The following EML5 variants were observed in gnomAD, a reference collection of about 807,000 sequenced individuals.
The protein encoded by EML5 is EMAP like 5.
A neutral mutation model predicts 250.0 loss-of-function variants in EML5; 120 were observed. The ratio of observed to expected loss-of-function variants is 0.48; its 90% confidence interval spans 0.41 to 0.56. EML5 has a LOEUF of 0.56. EML5 is among the 20% of genes least tolerant of loss of function. The pLI is 0.00. For synonymous variants in EML5, 771 were observed against 806.5 expected (o/e 0.96, Z 0.75); for missense variants, 2,006 against 2,437.6 (o/e 0.82, Z 3.73).
At chr14:88,647,132 G>A (rs1005488541) in intron 28 of EML5, among the ~76,000 whole-genome samples, 177 bp from the exon 29 acceptor site, 3 of 152,178 alleles carry the variant, frequency 2.0e-5, no homozygotes, top group African/African-American at 7.2e-5. Context: ...GGAGCCCAAG[G>A]CAGGAGGATC....
In EML5 at chr14:88,688,385, C is replaced by T. The variant is rs764389071; in HGVS notation, c.2628G>A (p.Glu876=). ...CTGTGGATGTTCCAGAAAAAGCCAT[C>T]TCTTCAGTCCATCCATACACTGCAC... ...MMCAVYGWTE[E]MAFSGTSTGD... The change falls in exon 18 of 44, where the codon GAG becomes GAA. Residue 876 remains glutamate, a synonymous_variant. Transcript: ENST00000554922. The T allele has an allele frequency of 6.2e-7, 1 of 1,614,016 alleles. No homozygotes were observed. Among genetic ancestry groups the T allele is most frequent in the Non-Finnish European group, 8.5e-7 (1 of 1,179,892 alleles).
chr14:88,712,611 A>G, intron 9 of EML5, 128 bp from the exon 10 acceptor site: 1 of 641,924 alleles, frequency 1.6e-6, no homozygotes, highest in Non-Finnish European at 2.6e-6. Context: ...AGGAAAATAC[A>G]TAAATAGGTA....
In EML5 at chr14:88,613,203, A is replaced by C. The variant is rs528282669; in HGVS notation, c.*2615T>G. The C allele has an allele frequency of 6.6e-6, 1 of 152,206 alleles. No homozygotes were observed. The highest frequency in any genetic ancestry group is 1.5e-5 in the Non-Finnish European group (1 of 68,044). 9.4% of individuals were successfully genotyped at this position (152,206 alleles called of 1,614,324 possible). On this transcript the variant is annotated 3_prime_UTR_variant, in exon 44 of 44. Coordinates refer to ENST00000554922, the MANE Select transcript of EML5 (RefSeq NM_183387.3). ...AGGAAAGGCTTGAAACACGAGAAGC[A>C]GCAAAGACAGAGCACACAAGTGCAT... is the stretch of plus-strand genomic sequence containing the variant.
rs73327325 is a variant in EML5 at position 88,695,454 on chromosome 14, G to A, written c.2345C>T (p.Ala782Val). The A allele has an allele frequency of 6.5e-5, 105 of 1,610,204 alleles. No individual in the cohort carries two copies. The Middle Eastern group carries it at 1.2e-3, about 18-fold the overall frequency. The change falls in exon 16 of 44, where the codon GCG becomes GTG. Residue 782 changes from alanine to valine, a missense_variant and splice_region_variant. Transcript: ENST00000554922. ...AACTGATGCCAAACGTTTCCCATCC[G>A]CTGTGGAAAATTAATGAGAGAGATA... ...QYGVSAVDFS[A>V]DGKRLASVGI...
chr14:88,731,511 T>C (rs947943630), intron 7 of EML5, among the ~76,000 whole-genome samples: 1 of 152,248 alleles, frequency 6.6e-6, no homozygotes, highest in Non-Finnish European at 1.5e-5. Context: ...CTATTGTGAA[T>C]AGTGCCACAA....
chr14:88,628,909 G>A (rs913356616), intron 33 of EML5, among the ~76,000 whole-genome samples: 14 of 151,708 alleles, frequency 9.2e-5, no homozygotes, highest in African/African-American at 3.1e-4. Context: ...AAAACTACAC[G>A]GAAACATACA....
chr14:88,780,481 G>T (rs1383909801), intron 1 of EML5, among the ~76,000 whole-genome samples: 1 of 152,062 alleles, frequency 6.6e-6, no homozygotes, highest in Admixed American at 6.6e-5. Flanking sequence ...ACATACAAAT[G>T]GATTTATTTC....
intron 21 of EML5, among the ~76,000 whole-genome samples, chr14:88,676,984 A>C (rs2092609237): frequency 6.6e-6 from 1 of 152,190 alleles, no homozygotes; most frequent in African/African-American, 2.4e-5. Context: ...GGCTCACTGC[A>C]ACCTTCACCT....
At chr14:88,696,218 C>T (rs768034038) in intron 15 of EML5, among the ~76,000 whole-genome samples, 48 of 151,572 alleles carry the variant, frequency 3.2e-4, no homozygotes, top group Non-Finnish European at 6.5e-4. Context: ...GATAATTTAT[C>T]ACTTCAGTCA....
chr14:88,715,018 A>C lies in EML5; in HGVS notation c.1365T>G (p.Thr455=). 6.2e-7 allele frequency: 1 copy of C among 1,613,894 alleles called. No individual in the cohort carries two copies. The highest frequency in any genetic ancestry group is 1.1e-5 in the South Asian group (1 of 91,082). ...GECLGSLSFI[T]HLDWSSDSRY... is the part of the protein sequence containing the mutation. ...TACTGTCTGAAGACCAGTCCAGATG[A>C]GTGATGAAACTAAGGGATCCCAAAC... The change falls in exon 9 of 44, where the codon ACT becomes ACG. Residue 455 remains threonine, a synonymous_variant. Coordinates refer to ENST00000554922, the MANE Select transcript of EML5 (RefSeq NM_183387.3).
chr14:88,681,287 T>C (rs748645015), intron 21 of EML5, among the ~76,000 whole-genome samples: 1 of 152,162 alleles, frequency 6.6e-6, no homozygotes, highest in Non-Finnish European at 1.5e-5. Context: ...GGACTAATAG[T>C]GTAGAATTAA....
chr14:88,725,965 A>G (rs1008471586), intron 8 of EML5, among the ~76,000 whole-genome samples: 3 of 152,170 alleles, frequency 2.0e-5, no homozygotes, highest in African/African-American at 7.2e-5. Flanking sequence ...GAGGTAGAGA[A>G]GAAAGACTTC....
intron 10 of EML5, among the ~76,000 whole-genome samples, chr14:88,709,038 GTGTA>G: frequency 6.6e-6 from 1 of 152,030 alleles, no homozygotes; most frequent in East Asian, 1.9e-4. Context: ...GTGTTTTAAT[GTGTA>G]TTTTCACACA....
In EML5 at chr14:88,740,440, T is replaced by C. The variant is rs1353326958; in HGVS notation, c.658A>G (p.Ile220Val). 1.2e-6 allele frequency: 2 copies of C among 1,613,740 alleles called. No homozygotes were observed. Among genetic ancestry groups the C allele is most frequent in the African/African-American group, 1.3e-5 (1 of 74,914 alleles). Residue 220 changes from isoleucine (I) to valine (V), a missense_variant, in exon 5 of 44, where the codon ATA becomes GTA. Physicochemically the swap from Ile to Val is conservative, Grantham distance 29 (BLOSUM62 3). Transcript: ENST00000554922. ...LTYSGALNGD[I>V]YVWKGINLIR... ...AGATTGATTCCTTTCCAAACATATA[T>C]ATCCCCATTGAGTGCACCAGAATAT...
At chr14:88,725,569 AT>A (rs1468502126) in intron 8 of EML5, among the ~76,000 whole-genome samples, 2 of 152,174 alleles carry the variant, frequency 1.3e-5, no homozygotes, top group Non-Finnish European at 2.9e-5. Context: ...GGCTGGAAAG[AT>A]GGGCACTACA....
At chr14:88,649,084 T>C (rs561066114) in intron 28 of EML5, among the ~76,000 whole-genome samples, 7 of 151,648 alleles carry the variant, frequency 4.6e-5, no homozygotes, top group Admixed American at 4.6e-4. Context: ...AGCTGGAGTG[T>C]AGTGATGCCA....
chr14:88,742,364 T>TA (rs2093937160), intron 4 of EML5, among the ~76,000 whole-genome samples: 2 of 152,282 alleles, frequency 1.3e-5, no homozygotes, highest in East Asian at 3.9e-4. Flanking sequence ...ATTTAACTAA[T>TA]TTGTGTTTAA....
At chr14:88,648,348 GAAT>G (rs1748887642) in intron 28 of EML5, among the ~76,000 whole-genome samples, 1 of 151,930 alleles carries the variant, frequency 6.6e-6, no homozygotes, top group Non-Finnish European at 1.5e-5. Flanking sequence ...AAGATTCCCA[GAAT>G]AATAATTATT....
chr14:88,615,502 T>C lies in EML5; in HGVS notation c.*316A>G. The C allele has an allele frequency of 7.0e-6, 2 of 285,968 alleles. No homozygotes were observed. The highest frequency in any genetic ancestry group is 6.5e-6 in the Non-Finnish European group (1 of 154,750). 17.7% of individuals were successfully genotyped at this position (285,968 alleles called of 1,614,324 possible). On this transcript the variant is annotated 3_prime_UTR_variant, in exon 44 of 44. Transcript: ENST00000554922. ...GGTTTTTGAGTTCTTCTGTAAAGAG[T>C]GCTCTACCCTAAATTTTCCCAGCAG...
Sources: allele counts gnomAD v4.1 joint callset (sites outside exome capture counted in the v4.1 genomes callset), GRCh38; gene constraint gnomAD v4.1.1; transcripts MANE v1.5; gene names NCBI Gene and HGNC (gene_info 2026-07-23, HGNC 2026-07-21).